Variants in HMBOX1 observed in about 807,000 individuals in gnomAD.
The protein encoded by HMBOX1 is homeobox containing 1, also known as homeobox-containing protein 1.
In HMBOX1, 14 loss-of-function variants were observed where a neutral mutation model predicts 54.5. The observed-to-expected ratio is 0.26, with a 90% CI of 0.17 to 0.40. The LOEUF (loss-of-function observed/expected upper bound fraction) is 0.40. Among genes scored for constraint, HMBOX1 ranks in the 10% least tolerant of loss-of-function variants. The pLI is 1.00. For synonymous variants in HMBOX1, 160 were observed against 181.0 expected (o/e 0.88, Z 0.93); for missense variants, 332 against 514.4 (o/e 0.65, Z 3.43).
chr8:28,929,387 A>G lies in HMBOX1; in HGVS notation c.-57-34424A>G, dbSNP rs546473303. The stretch of plus-strand genomic sequence containing the variant: ...GGAAGTGAGAAGGCAAGTTGAATAA[A>G]GACTGATCAAATAAAGGTGATGGTA... On this transcript the variant is annotated intron_variant, in intron 1 of 9. Transcript: ENST00000287701. 4.6e-5 allele frequency among the ~76,000 whole-genome samples: 7 copies of G among 152,334 alleles called. No homozygotes were observed. The South Asian group carries it at 1.5e-3, about 32-fold the overall frequency.
At chr8:28,965,523 A>G (rs1826284975) in intron 2 of HMBOX1, among the ~76,000 whole-genome samples, 1 of 152,170 alleles carries the variant, frequency 6.6e-6, no homozygotes, top group South Asian at 2.1e-4. Flanking sequence ...CTCAATTATG[A>G]TGAAAGGAGG....
chr8:29,049,621 C>A, intron 9 of HMBOX1: 1 of 467,720 alleles, frequency 2.1e-6, no homozygotes, highest in Non-Finnish European at 3.6e-6. Context: ...CTCTTCACCT[C>A]GCCCTGATTT....
At chr8:29,002,808 T>A (rs997275154) in intron 4 of HMBOX1, among the ~76,000 whole-genome samples, 2 of 152,198 alleles carry the variant, frequency 1.3e-5, no homozygotes, top group African/African-American at 2.4e-5. Flanking sequence ...CTTCTACCTG[T>A]CCTGTGTGTA....
chr8:29,052,157 G>A lies in HMBOX1; in HGVS notation c.*1002G>A, dbSNP rs1376452304. The A allele has an allele frequency of 1.3e-5, 2 of 153,626 alleles. No individual in the cohort carries two copies. Among genetic ancestry groups the A allele is most frequent in the African/African-American group, 2.4e-5 (1 of 41,444 alleles). The allele number at this position is 153,626 out of a possible 1,614,324, so 9.5% of individuals were successfully genotyped here. On this transcript the variant is annotated 3_prime_UTR_variant, in exon 10 of 10. Transcript: ENST00000287701. Reference sequence around the variant, plus strand: ...ATGAGTGAAAAAACTTGCAGTGTTTGTATCCATTAAACGGAAGCCCCCTCA... The same window carrying A: ...ATGAGTGAAAAAACTTGCAGTGTTTATATCCATTAAACGGAAGCCCCCTCA...
chr8:28,936,513 A>T (rs567882095), intron 1 of HMBOX1, among the ~76,000 whole-genome samples: 28 of 152,134 alleles, frequency 1.8e-4, no homozygotes, highest in South Asian at 8.3e-4. Context: ...TTGTGGTGAG[A>T]TTCAGCTGTA....
intron 3 of HMBOX1, among the ~76,000 whole-genome samples, chr8:28,973,482 T>C (rs1208961287): frequency 6.6e-6 from 1 of 152,204 alleles, no homozygotes; most frequent in Non-Finnish European, 1.5e-5. Flanking sequence ...AACAATCACT[T>C]ACCACATGAA....
intron 1 of HMBOX1, among the ~76,000 whole-genome samples, chr8:28,929,932 C>G (rs1338055410): frequency 1.4e-5 from 2 of 141,358 alleles, no homozygotes; most frequent in African/African-American, 5.3e-5. Context: ...CCCCGCCCCC[C>G]GCCCGCCCCC....
intron 4 of HMBOX1, among the ~76,000 whole-genome samples, chr8:28,993,022 T>C (rs1250154658): frequency 6.9e-6 from 1 of 145,806 alleles, no homozygotes. Context: ...GTATGTCTAT[T>C]GTCCTTTTAT....
chr8:28,975,579 T>C (rs1021711386), intron 3 of HMBOX1, among the ~76,000 whole-genome samples: 2 of 152,098 alleles, frequency 1.3e-5, no homozygotes, highest in Admixed American at 6.5e-5. Flanking sequence ...AGCATGGCAA[T>C]GACTTGAAAA....
At chr8:28,914,236 A>G (rs1816085100) in intron 1 of HMBOX1, among the ~76,000 whole-genome samples, 1 of 152,194 alleles carries the variant, frequency 6.6e-6, no homozygotes, top group South Asian at 2.1e-4. Context: ...GAGATGGGTA[A>G]GTTCAGTGTG....
intron 4 of HMBOX1, among the ~76,000 whole-genome samples, chr8:28,995,476 T>C (rs961653888): frequency 2.6e-5 from 4 of 152,222 alleles, no homozygotes; most frequent in Non-Finnish European, 5.9e-5. Flanking sequence ...CATTTGTAGA[T>C]AAGTTTTCGA....
chr8:28,894,797 C>T (rs1658314024), intron 1 of HMBOX1, among the ~76,000 whole-genome samples: 1 of 152,138 alleles, frequency 6.6e-6, no homozygotes, highest in African/African-American at 2.4e-5. Context: ...GAGCATTTAG[C>T]TCCTGGAAGG....
intron 1 of HMBOX1, among the ~76,000 whole-genome samples, chr8:28,898,960 A>G (rs1047316174): frequency 7.9e-5 from 12 of 152,226 alleles, no homozygotes; most frequent in African/African-American, 2.7e-4. Context: ...GTGTTGAACA[A>G]GGCACTCAGT....
intron 1 of HMBOX1, among the ~76,000 whole-genome samples, chr8:28,923,732 A>G (rs1253778429): frequency 6.6e-6 from 1 of 152,166 alleles, no homozygotes; most frequent in Non-Finnish European, 1.5e-5. Context: ...AGCAATATAT[A>G]CAAGGGTACC....
chr8:28,939,570 C>T (rs576284980), intron 1 of HMBOX1, among the ~76,000 whole-genome samples: 44 of 151,990 alleles, frequency 2.9e-4, no homozygotes, highest in African/African-American at 9.6e-4. Context: ...TGCAGTGGTG[C>T]CATCTCGGCT....
chr8:28,956,515 A>G (rs1057119728), intron 1 of HMBOX1, among the ~76,000 whole-genome samples: 6 of 151,914 alleles, frequency 3.9e-5, no homozygotes, highest in Admixed American at 6.6e-5. Flanking sequence ...TAAAAATGCA[A>G]TTGTTTTTTT....
chr8:28,956,900 C>A (rs1424499514), intron 1 of HMBOX1, among the ~76,000 whole-genome samples: 1 of 152,130 alleles, frequency 6.6e-6, no homozygotes, highest in Non-Finnish European at 1.5e-5. Flanking sequence ...AAATGCTTAT[C>A]ATTAATCATC....
chr8:29,033,371 G>A (rs865817058), intron 6 of HMBOX1, among the ~76,000 whole-genome samples: 3 of 152,158 alleles, frequency 2.0e-5, no homozygotes, highest in Non-Finnish European at 4.4e-5. Flanking sequence ...ACAAATAGAA[G>A]GCAGTTCTTA....
Position 29,051,453 on chromosome 8 carries a change from T to C in HMBOX1, c.*298T>C. On this transcript the variant is annotated 3_prime_UTR_variant, in exon 10 of 10. Transcript: ENST00000287701. ...ATTCCAAGAAAGTGCTTCCAGGTAT[T>C]TAGATAGCCCTCAGTTCTCAAATAT... 1.5e-6 allele frequency: 1 copy of C among 687,396 alleles called. No homozygotes were observed. The highest frequency in any genetic ancestry group is 2.7e-6 in the Non-Finnish European group (1 of 372,648). The allele number at this position is 687,396 out of a possible 1,614,324, so 42.6% of individuals were successfully genotyped here. A position where few individuals can be genotyped will look rare whatever the true frequency, so the allele number is the denominator to read the frequency against.
Sources: allele counts gnomAD v4.1 joint callset (sites outside exome capture counted in the v4.1 genomes callset), GRCh38; gene constraint gnomAD v4.1.1; transcripts MANE v1.5; gene names NCBI Gene and HGNC (gene_info 2026-07-23, HGNC 2026-07-21).